The following CNTN5 variants were observed in gnomAD, a reference collection of about 807,000 sequenced individuals.
The protein encoded by CNTN5 is contactin 5.
Under a neutral mutation model 129.1 loss-of-function variants are expected in CNTN5, and 77 were observed. That is an observed-to-expected ratio of 0.60 (90% CI 0.50 to 0.72). The LOEUF is 0.72. Ranked by LOEUF, CNTN5 falls within the 30% of genes least tolerant of loss-of-function variation. CNTN5 has a pLI of 0.00. For missense variants in CNTN5, 1,478 were observed against 1,328.8 expected (o/e 1.11, Z -1.75); for synonymous variants, 509 against 465.6 (o/e 1.09, Z -1.20).
Position 99,844,958 on chromosome 11 carries a change from T to A in CNTN5, c.384T>A (p.Asn128Lys). 6.2e-7 allele frequency: 1 copy of A among 1,613,394 alleles called. No individual in the cohort carries two copies. The highest frequency in any genetic ancestry group is 8.5e-7 in the Non-Finnish European group (1 of 1,179,718). The change falls in exon 5 of 25, where the codon AAT becomes AAA. Residue 128 changes from asparagine (N) to lysine (K), a missense_variant. Transcript: ENST00000524871. ...CATTGAATTGTGAAGTTCGTGGCAA[T>A]CCAGTTCCCAGTTACAGGTAGGAAT... is the stretch of plus-strand genomic sequence containing the variant. ...KVALNCEVRG[N>K]PVPSYRWLRN...
intron 2 of CNTN5, among the ~76,000 whole-genome samples, chr11:99,458,531 A>G (rs752746203): frequency 2.6e-5 from 4 of 152,130 alleles, no homozygotes; most frequent in Middle Eastern, 6.8e-3. Context: ...GGAAAAATCT[A>G]TATATCTATT....
At chr11:99,453,685 TA>T (rs1269440646) in intron 2 of CNTN5, among the ~76,000 whole-genome samples, 4 of 152,224 alleles carry the variant, frequency 2.6e-5, no homozygotes, top group Non-Finnish European at 5.9e-5. Context: ...AACCTGAAGA[TA>T]AGTTAACTGA....
chr11:99,771,755 T>C (rs1944954008), intron 3 of CNTN5, among the ~76,000 whole-genome samples: 3 of 152,092 alleles, frequency 2.0e-5, no homozygotes, highest in Non-Finnish European at 2.9e-5. Flanking sequence ...TAATGCCGTA[T>C]TGTAAACTTG....
At chr11:99,040,883 A>G (rs1255815943) in intron 1 of CNTN5, among the ~76,000 whole-genome samples, 2 of 152,120 alleles carry the variant, frequency 1.3e-5, no homozygotes, top group Non-Finnish European at 2.9e-5. Context: ...TAGCATTAAC[A>G]TTTCTTTAGT....
At chr11:100,200,770 G>A (rs1460911867) in intron 15 of CNTN5, among the ~76,000 whole-genome samples, 2 of 151,748 alleles carry the variant, frequency 1.3e-5, no homozygotes, top group Non-Finnish European at 2.9e-5. Flanking sequence ...AGAAATAGAA[G>A]ACACTCCTTA....
intron 2 of CNTN5, among the ~76,000 whole-genome samples, chr11:99,524,341 C>A (rs571480362): frequency 6.6e-6 from 1 of 151,998 alleles, no homozygotes; most frequent in Admixed American, 6.6e-5. Context: ...TAATAATATT[C>A]TTATTTCTTA....
At chr11:99,684,754 A>T (rs929907268) in intron 3 of CNTN5, among the ~76,000 whole-genome samples, 6 of 151,832 alleles carry the variant, frequency 4.0e-5, no homozygotes, top group Non-Finnish European at 8.8e-5. Context: ...TCATAAAACT[A>T]TTAATATCCT....
At chr11:99,429,906 T>C (rs1242603988) in intron 2 of CNTN5, among the ~76,000 whole-genome samples, 3 of 151,808 alleles carry the variant, frequency 2.0e-5, no homozygotes, top group African/African-American at 4.8e-5. Flanking sequence ...TAAAAGCATA[T>C]TACCTAGCTG....
chr11:99,422,247 G>A (rs61892053), intron 2 of CNTN5, among the ~76,000 whole-genome samples: 1 of 151,894 alleles, frequency 6.6e-6, no homozygotes, highest in Non-Finnish European at 1.5e-5. Context: ...TGCAACCTGG[G>A]TTAATTAGCT....
intron 1 of CNTN5, among the ~76,000 whole-genome samples, chr11:99,074,513 TTTTCTTAA>T (rs1297522694): frequency 6.6e-6 from 1 of 152,224 alleles, no homozygotes; most frequent in East Asian, 1.9e-4. Context: ...TATCTTTTTA[TTTTCTTAA>T]TTTATAGAGA....
chr11:100,017,540 C>A (rs1940893684), intron 9 of CNTN5, among the ~76,000 whole-genome samples: 1 of 151,878 alleles, frequency 6.6e-6, no homozygotes, highest in Admixed American at 6.6e-5. Flanking sequence ...CTAAAATTGG[C>A]ATATATAAAC....
At position 99,609,356 on chromosome 11, in the gene CNTN5, G is replaced by A. The variant is rs186804280; in HGVS notation, c.55+53087G>A. ...AAGATGAGTGGTAAGCAATTATTCT[G>A]AGCATCTGACTAAGGAAGGGCTCCT... On this transcript the variant is annotated intron_variant, in intron 3 of 24. Coordinates refer to ENST00000524871, the MANE Select transcript of CNTN5 (RefSeq NM_014361.4). Among the ~76,000 whole-genome samples the A allele has an allele frequency of 4.6e-5, 7 of 152,240 alleles. No individual in the cohort carries two copies. The East Asian group carries it at 1.4e-3, about 29-fold the overall frequency.
chr11:99,166,177 G>C (rs1300417330), intron 1 of CNTN5, among the ~76,000 whole-genome samples: 1 of 152,068 alleles, frequency 6.6e-6, no homozygotes, highest in African/African-American at 2.4e-5. Context: ...GCCAAAGCGG[G>C]TGGATCACAA....
intron 9 of CNTN5, among the ~76,000 whole-genome samples, chr11:100,037,881 G>A (rs1437610246): frequency 2.0e-5 from 3 of 151,776 alleles, no homozygotes; most frequent in East Asian, 1.9e-4. Context: ...TAGTCTTGCT[G>A]GCGGTCTATC....
At chr11:99,688,100 C>T (rs979053756) in intron 3 of CNTN5, among the ~76,000 whole-genome samples, 3 of 152,116 alleles carry the variant, frequency 2.0e-5, no homozygotes, top group Non-Finnish European at 4.4e-5. Context: ...TATATTCACC[C>T]TGGTTATTTA....
chr11:100,083,522 C>T (rs1944438027), intron 13 of CNTN5, among the ~76,000 whole-genome samples: 1 of 152,042 alleles, frequency 6.6e-6, no homozygotes, highest in African/African-American at 2.4e-5. Context: ...TTGGAGGGGA[C>T]AAACATGTAA....
intron 14 of CNTN5, 76 bp from the exon 15 acceptor site, chr11:100,193,412 A>G (rs1948549308): frequency 1.0e-6 from 1 of 982,988 alleles, no homozygotes; most frequent in South Asian, 1.9e-5. Context: ...TCTTTTCTCA[A>G]TTATTTCAAG....
rs558416277 is a variant in CNTN5, at chr11:100,022,240, C to T, written c.980+20104C>T. On this transcript the variant is annotated intron_variant, in intron 9 of 24. Coordinates refer to ENST00000524871, the MANE Select transcript of CNTN5 (RefSeq NM_014361.4). ...ATTTAACCTGCTATTACTTTTAAAC[C>T]GTTTTGAGTTTTCATATTTAAAATA... Among the ~76,000 whole-genome samples, 3 of 152,176 alleles carry T rather than the reference C, an allele frequency of 2.0e-5. No homozygotes were observed. The South Asian group carries it at 6.2e-4, about 32-fold the overall frequency.
In CNTN5 at chr11:99,981,838, T is replaced by C. The variant is rs1003906913; in HGVS notation, c.878-20196T>C. Among the ~76,000 whole-genome samples the C allele has an allele frequency of 8.7e-4, 132 of 152,346 alleles. 1 individual carries two copies. The highest frequency in any genetic ancestry group is 2.8e-3 in the African/African-American group (116 of 41,576). ...TTGTAGCAGAGTAGAATTATCTATA[T>C]GCAAATAACTTACCATAATCAGAGC... On this transcript the variant is annotated intron_variant, in intron 8 of 24. Coordinates refer to ENST00000524871, the MANE Select transcript of CNTN5 (RefSeq NM_014361.4).
Sources: allele counts gnomAD v4.1 joint callset (sites outside exome capture counted in the v4.1 genomes callset), GRCh38; gene constraint gnomAD v4.1.1; transcripts MANE v1.5; gene names NCBI Gene and HGNC (gene_info 2026-07-23, HGNC 2026-07-21).